The following CYP26C1 variants were observed in gnomAD, a reference collection of about 807,000 sequenced individuals.
CYP26C1 encodes the protein cytochrome P450 26C1.
A neutral mutation model predicts 39.1 loss-of-function variants in CYP26C1; 41 were observed. That is an observed-to-expected ratio of 1.05 (90% CI 0.82 to 1.36). The LOEUF (loss-of-function observed/expected upper bound fraction) is 1.36, where lower values mean the gene tolerates loss of function less well. Ranked by LOEUF, CYP26C1 falls within the 40% of genes most tolerant of loss-of-function variation. The probability of loss-of-function intolerance (pLI) is 0.00; values close to 1 mark genes in which losing one functional copy is unlikely to be tolerated. For missense variants in CYP26C1, 833 were observed against 752.0 expected (o/e 1.11, Z -1.26); for synonymous variants, 362 against 350.8 (o/e 1.03, Z -0.36).
chr10:93,061,500 G>C, intron 1 of CYP26C1, 33 bp downstream of exon 1: 1 of 1,547,354 alleles, frequency 6.5e-7, no homozygotes, highest in Non-Finnish European at 8.7e-7. Flanking sequence ...GCGCTAATAC[G>C]GTCCCTTCTT....
rs1323872091 is a variant in CYP26C1 at position 93,062,168 on chromosome 10, G to C, written c.363G>C (p.Ala121=). The change falls in exon 2 of 6, where the codon GCG becomes GCC. Residue 121 remains alanine, a synonymous_variant. Coordinates refer to ENST00000651965, the MANE Select transcript of CYP26C1 (RefSeq NM_183374.3). ...TGCGCAGCCAGTGGCCGCAGAGTGC[G>C]CACATCCTGCTGGGCTCGCACACAC... ...RLVRSQWPQS[A]HILLGSHTLL... 14 of 1,538,852 alleles carry C rather than the reference G, an allele frequency of 9.1e-6. No homozygotes were observed. Among genetic ancestry groups the C allele is most frequent in the Non-Finnish European group, 1.2e-5 (14 of 1,146,584 alleles).
chr10:93,068,246 G>A lies in CYP26C1; in HGVS notation c.1192-74G>A, dbSNP rs538277916. ...TTCGGAAGCCTGATGGAAGCACCAGGGTGGAGGGTCAGTTCAGGGCCCCCC... is the reference window on the plus strand; with the variant it reads ...TTCGGAAGCCTGATGGAAGCACCAGAGTGGAGGGTCAGTTCAGGGCCCCCC... On this transcript the variant is annotated intron_variant, in intron 5 of 5. Coordinates refer to ENST00000651965, the MANE Select transcript of CYP26C1 (RefSeq NM_183374.3). The A allele has an allele frequency of 2.4e-4, 343 of 1,441,880 alleles. 8 individuals are homozygous for A. In the South Asian group the frequency reaches 5.1e-3, roughly 21 times the overall value. The allele number at this position is 1,441,880 out of a possible 1,614,324, so 89.3% of individuals were successfully genotyped here.
rs1846826446 is a variant in CYP26C1, at chr10:93,066,269, G to T, written c.1175G>T (p.Arg392Leu). Residue 392 changes from arginine (R) to leucine (L), a missense_variant, in exon 5 of 6, where the codon CGC becomes CTC. Arg to Leu is a moderately radical substitution (Grantham distance 102). Coordinates refer to ENST00000651965, the MANE Select transcript of CYP26C1 (RefSeq NM_183374.3). ...PVSGGYRTALRTFELDGYQIP... is the reference protein window; with the variant it reads ...PVSGGYRTALLTFELDGYQIP... ...TCCGGGGGCTACCGCACCGCCCTGC[G>T]CACCTTCGAGCTCGACGTAAGTGCG... is the stretch of plus-strand genomic sequence containing the variant. 1 of 1,418,018 alleles carries T rather than the reference G, an allele frequency of 7.1e-7. No individual in the cohort carries two copies. The highest frequency in any genetic ancestry group is 1.5e-5 in the African/African-American group (1 of 68,120). 87.8% of individuals were successfully genotyped at this position (1,418,018 alleles called of 1,614,324 possible).
rs1846856335 is a variant in CYP26C1, at chr10:93,068,473, T to C, written c.1345T>C (p.Tyr449His). ...CCGGGGCGCCTCCAGCCGCTTCCATTACATCCCGTTCGGCGGCGGTGCGCG... is the reference window on the plus strand; with the variant it reads ...CCGGGGCGCCTCCAGCCGCTTCCATCACATCCCGTTCGGCGGCGGTGCGCG... ...DSRGASSRFH[Y>H]IPFGGGARSC... The change falls in exon 6 of 6, where the codon TAC (tyrosine) becomes CAC (histidine). Residue 449 changes from tyrosine (Y) to histidine (H), a missense_variant. Coordinates refer to ENST00000651965, the MANE Select transcript of CYP26C1 (RefSeq NM_183374.3). 1 of 1,610,918 alleles carries C rather than the reference T, an allele frequency of 6.2e-7. No individual in the cohort carries two copies. The highest frequency in any genetic ancestry group is 1.7e-5 in the Admixed American group (1 of 59,784).
intron 1 of CYP26C1, 149 bp from the exon 2 acceptor site, chr10:93,061,861 G>C (rs2134410744): frequency 1.4e-6 from 1 of 719,208 alleles, no homozygotes; most frequent in East Asian, 2.7e-5. Flanking sequence ...CATTCCCGTA[G>C]AGTAGATACC....
In CYP26C1 at chr10:93,062,204, G is replaced by A. The variant is rs764006539; in HGVS notation, c.399G>A (p.Ala133=). The A allele has an allele frequency of 1.3e-6, 2 of 1,526,346 alleles. No individual in the cohort carries two copies. Among genetic ancestry groups the A allele is most frequent in the Admixed American group, 4.0e-5 (2 of 50,364 alleles). 94.6% of individuals were successfully genotyped at this position (1,526,346 alleles called of 1,614,324 possible). ...TGGGCTCGCACACACTGCTAGGTGC[G>A]GTCGGCGAGCCGCACCGGCGGCGGC... ...ILLGSHTLLG[A]VGEPHRRRRK... The change falls in exon 2 of 6, where the codon GCG becomes GCA. Residue 133 remains alanine (A), a synonymous_variant. Transcript: ENST00000651965.
chr10:93,066,070 C>T lies in CYP26C1; in HGVS notation c.976C>T (p.Leu326=). The T allele has an allele frequency of 4.0e-6, 6 of 1,491,870 alleles. No homozygotes were observed. The highest frequency in any genetic ancestry group is 2.9e-5 in the African/African-American group (2 of 69,186). The allele number at this position is 1,491,870 out of a possible 1,614,324, so 92.4% of individuals were successfully genotyped here. A position where few individuals can be genotyped will look rare whatever the true frequency, so the allele number is the denominator to read the frequency against. The change falls in exon 5 of 6, where the codon CTG becomes TTG. Residue 326 remains leucine, a synonymous_variant. Transcript: ENST00000651965. ...PAAIAKIREE[L]VAQGLGRACG... ...GGCCATCGCCAAGATTCGGGAGGAG[C>T]TGGTGGCGCAGGGGCTGGGGCGCGC...
rs1271535790 is a variant in CYP26C1 at position 93,068,555 on chromosome 10, T to C, written c.1427T>C (p.Leu476Pro). 6 of 1,596,300 alleles carry C rather than the reference T, an allele frequency of 3.8e-6. No homozygotes were observed. The East Asian group carries it at 1.4e-4, about 36-fold the overall frequency. ...QAVLQLLAVE[L>P]VRTARWELAT... ...GTGCTCCAGCTGCTAGCTGTGGAGC[T>C]AGTGCGCACCGCGCGCTGGGAACTG... Residue 476 changes from leucine to proline, a missense_variant, in exon 6 of 6, where the codon CTA (leucine) becomes CCA (proline). By Grantham distance (98) the Leu-to-Pro change is moderately conservative (BLOSUM62 -3). Transcript: ENST00000651965.
In CYP26C1 at chr10:93,063,094, G is replaced by C; in HGVS notation, c.705+99G>C. 2.0e-6 allele frequency: 3 copies of C among 1,471,254 alleles called. No homozygotes were observed. The Admixed American group carries it at 7.2e-5, about 35-fold the overall frequency. The allele number at this position is 1,471,254 out of a possible 1,614,324, so 91.1% of individuals were successfully genotyped here. ...CGCCCTCGGCGCACCCCGCGCGTCC[G>C]TCACCTCTGCTGGGAACGGCGGCAG... On this transcript the variant is annotated intron_variant, in intron 3 of 5. Transcript: ENST00000651965.
rs1431758442 is a variant in CYP26C1, at chr10:93,066,274, T to C, written c.1180T>C (p.Phe394Leu). The part of the protein sequence containing the change: ...SGGYRTALRT[F>L]ELDGYQIPKG... The stretch of plus-strand genomic sequence containing the variant: ...GGGCTACCGCACCGCCCTGCGCACC[T>C]TCGAGCTCGACGTAAGTGCGCCGTG... Residue 394 changes from phenylalanine to leucine, a missense_variant, in exon 5 of 6, where the codon TTC becomes CTC. Phe to Leu is a conservative substitution (Grantham distance 22). Coordinates refer to ENST00000651965, the MANE Select transcript of CYP26C1 (RefSeq NM_183374.3). 8.5e-6 allele frequency: 12 copies of C among 1,411,556 alleles called. No homozygotes were observed. Among genetic ancestry groups the C allele is most frequent in the Non-Finnish European group, 1.0e-5 (11 of 1,083,012 alleles). 87.4% of individuals were successfully genotyped at this position (1,411,556 alleles called of 1,614,324 possible). A position where few individuals can be genotyped will look rare whatever the true frequency, so the allele number is the denominator to read the frequency against.
In CYP26C1 at chr10:93,068,838, G is replaced by A; in HGVS notation, c.*141G>A. The stretch of plus-strand genomic sequence containing the variant: ...CTTTCAACAAATGTTCGCCAAACGC[G>A]GATGTGTGCCGGACTCGAGGAAGGA... On this transcript the variant is annotated 3_prime_UTR_variant, in exon 6 of 6. Coordinates refer to ENST00000651965, the MANE Select transcript of CYP26C1 (RefSeq NM_183374.3). 1 of 1,353,082 alleles carries A rather than the reference G, an allele frequency of 7.4e-7. No individual in the cohort carries two copies. Among genetic ancestry groups the A allele is most frequent in the South Asian group, 1.7e-5 (1 of 59,000 alleles). The allele number at this position is 1,353,082 out of a possible 1,614,324, so 83.8% of individuals were successfully genotyped here.
At position 93,068,587 on chromosome 10, in the gene CYP26C1, C is replaced by G; in HGVS notation, c.1459C>G (p.Pro487Ala). 1 of 1,594,228 alleles carries G rather than the reference C, an allele frequency of 6.3e-7. No individual in the cohort carries two copies. Among genetic ancestry groups the G allele is most frequent in the Non-Finnish European group, 8.5e-7 (1 of 1,171,022 alleles). Reference protein sequence around the residue: ...VRTARWELATPAFPAMQTVPI... With the variant: ...VRTARWELATAAFPAMQTVPI... The stretch of plus-strand genomic sequence containing the variant: ...CACCGCGCGCTGGGAACTGGCCACA[C>G]CCGCCTTCCCCGCCATGCAGACGGT... Residue 487 changes from proline (P) to alanine (A), a missense_variant, in exon 6 of 6, where the codon CCC becomes GCC. By Grantham distance (27) the Pro-to-Ala change is conservative. Transcript: ENST00000651965.
rs1337007838 is a variant in CYP26C1, at chr10:93,068,973, G to A, written c.*276G>A. 1 of 453,904 alleles carries A rather than the reference G, an allele frequency of 2.2e-6. No individual in the cohort carries two copies. Among genetic ancestry groups the A allele is most frequent in the African/African-American group, 2.0e-5 (1 of 49,004 alleles). The allele number at this position is 453,904 out of a possible 1,614,324, so 28.1% of individuals were successfully genotyped here. On this transcript the variant is annotated 3_prime_UTR_variant, in exon 6 of 6. Coordinates refer to ENST00000651965, the MANE Select transcript of CYP26C1 (RefSeq NM_183374.3). ...AAATGTCGTGGGCCAAGCAGGAATGGAGGGAATAGATAGATCCCCACGAGG... is the reference window on the plus strand; with the variant it reads ...AAATGTCGTGGGCCAAGCAGGAATGAAGGGAATAGATAGATCCCCACGAGG...
chr10:93,066,314 G>A (rs1238815792), intron 5 of CYP26C1, 29 bp downstream of exon 5: 3 of 1,261,932 alleles, frequency 2.4e-6, no homozygotes, highest in African/African-American at 3.3e-5. Context: ...CCCATGGCCA[G>A]CCTCCTGCCT....
chr10:93,063,532 A>T (rs1382096584), intron 3 of CYP26C1: 100 of 985,570 alleles, frequency 1.0e-4, no homozygotes, highest in Non-Finnish European at 1.2e-4. Context: ...ACTTCAGAAC[A>T]ATGGGCAGGA....
rs1235516873 is a variant in CYP26C1 at position 93,061,255 on chromosome 10, G to A, written c.-9G>A. ...GCGCTCTGAGCGGCCTGGCCCCCGC[G>A]GGCTCATCATGTTCCCTTGGGGGCT... is the stretch of plus-strand genomic sequence containing the variant. On this transcript the variant is annotated 5_prime_UTR_variant, in exon 1 of 6. Transcript: ENST00000651965. 4 of 1,562,226 alleles carry A rather than the reference G, an allele frequency of 2.6e-6. No homozygotes were observed. Among genetic ancestry groups the A allele is most frequent in the Non-Finnish European group, 3.5e-6 (4 of 1,156,156 alleles).
chr10:93,063,124 C>A, intron 3 of CYP26C1, 129 bp downstream of exon 3: 1 of 1,424,812 alleles, frequency 7.0e-7, no homozygotes, highest in South Asian at 1.5e-5. Flanking sequence ...CGGCAGGGCC[C>A]GGGGGTGGGA....
intron 3 of CYP26C1, chr10:93,063,325 C>A (rs930361433): frequency 2.0e-5 from 22 of 1,097,220 alleles, no homozygotes; most frequent in Non-Finnish European, 2.2e-5. Context: ...CGGACTCCTT[C>A]CCACAGCGGC....
rs1204693764 is a variant in CYP26C1, at chr10:93,069,210, G to C, written c.*513G>C. 2.0e-5 allele frequency: 3 copies of C among 152,578 alleles called. No homozygotes were observed. Among genetic ancestry groups the C allele is most frequent in the Non-Finnish European group, 2.9e-5 (2 of 68,324 alleles). The allele number at this position is 152,578 out of a possible 1,614,324, so 9.5% of individuals were successfully genotyped here. On this transcript the variant is annotated 3_prime_UTR_variant, in exon 6 of 6. Transcript: ENST00000651965. Reference sequence around the variant, plus strand: ...TTGGGCCATAGAAAAAACACGCAGAGGATGCCTGACGGAAGGCCCTCTGGC... The same window carrying C: ...TTGGGCCATAGAAAAAACACGCAGACGATGCCTGACGGAAGGCCCTCTGGC...
Sources: allele counts gnomAD v4.1 joint callset, GRCh38; gene constraint gnomAD v4.1.1; transcripts MANE v1.5; gene names NCBI Gene and HGNC (gene_info 2026-07-23, HGNC 2026-07-21).